The following FAM135A variants were observed in gnomAD, a reference collection of about 807,000 sequenced individuals.
The protein encoded by FAM135A is family with sequence similarity 135 member A.
FAM135A carries 79 observed loss-of-function variants against 146.8 expected under a neutral mutation model. The observed-to-expected ratio is 0.54, with a 90% CI of 0.45 to 0.65. The LOEUF is 0.65. Among genes scored for constraint, FAM135A ranks in the 30% least tolerant of loss-of-function variants. FAM135A has a pLI of 0.00. For synonymous variants in FAM135A, 562 were observed against 603.6 expected (o/e 0.93, Z 1.01); for missense variants, 1,623 against 1,758.2 (o/e 0.92, Z 1.38).
chr6:70,419,159 G>A (rs975093268), intron 2 of FAM135A, among the ~76,000 whole-genome samples: 2 of 152,132 alleles, frequency 1.3e-5, no homozygotes, highest in Non-Finnish European at 2.9e-5. Context: ...GGTGGCTCAC[G>A]CCTGTAATCC....
At position 70,542,288 on chromosome 6, in the gene FAM135A, G is replaced by T. The variant is rs1232538480; in HGVS notation, c.4228+3887G>T. Among the ~76,000 whole-genome samples the T allele has an allele frequency of 2.4e-5, 3 of 123,824 alleles. No individual in the cohort carries two copies. The South Asian group carries it at 7.1e-4, about 29-fold the overall frequency. The allele number at this position is 123,824 out of a possible 152,430, so 81.2% of individuals were successfully genotyped here. A position where few individuals can be genotyped will look rare whatever the true frequency, so the allele number is the denominator to read the frequency against. On this transcript the variant is annotated intron_variant, in intron 20 of 21. Coordinates refer to ENST00000418814, the MANE Select transcript of FAM135A (RefSeq NM_001162529.3). ...CACACACACACACACCCTTTGCTGT[G>T]GTCATGCTATTCATGGTTTTTGATT...
chr6:70,513,373 A>G (rs1437196303), intron 12 of FAM135A: 4 of 148,458 alleles, frequency 2.7e-5, no homozygotes, highest in African/African-American at 1.0e-4. Flanking sequence ...AGAAAATTTT[A>G]AATCATGTCA....
chr6:70,540,519 G>T (rs1423552122), intron 20 of FAM135A, among the ~76,000 whole-genome samples: 2 of 151,784 alleles, frequency 1.3e-5, no homozygotes, highest in Admixed American at 1.3e-4. Flanking sequence ...TAGAGACGGG[G>T]TTTCACCATG....
chr6:70,477,350 T>G lies in FAM135A; in HGVS notation c.542+18T>G. On this transcript the variant is annotated intron_variant, in intron 8 of 21. Coordinates refer to ENST00000418814, the MANE Select transcript of FAM135A (RefSeq NM_001162529.3). ...CTAATAAGGTAAATTTGACTAATAT[T>G]TTTGTATTAAGCCATTCTTACACTG... The G allele has an allele frequency of 1.2e-6, 2 of 1,610,386 alleles. No individual in the cohort carries two copies. Among genetic ancestry groups the G allele is most frequent in the Non-Finnish European group, 1.7e-6 (2 of 1,178,204 alleles).
intron 11 of FAM135A, among the ~76,000 whole-genome samples, chr6:70,498,514 C>G (rs1419117399): frequency 6.6e-6 from 1 of 152,104 alleles, no homozygotes; most frequent in Non-Finnish European, 1.5e-5. Flanking sequence ...TTGTCTTCTG[C>G]TAGCTTTTGA....
At position 70,525,684 on chromosome 6, in the gene FAM135A, A is replaced by G; in HGVS notation, c.2600A>G (p.Asp867Gly). The G allele has an allele frequency of 6.2e-7, 1 of 1,612,250 alleles. No homozygotes were observed. Among genetic ancestry groups the G allele is most frequent in the Non-Finnish European group, 8.5e-7 (1 of 1,179,398 alleles). The change falls in exon 15 of 22, where the codon GAT (aspartate) becomes GGT (glycine). Residue 867 changes from aspartate (D) to glycine (G), a missense_variant. By Grantham distance (94) the Asp-to-Gly change is moderately conservative (BLOSUM62 -1). Transcript: ENST00000418814. ...KSVVPECHLN[D>G]SKTVLNLGTT... ...GTTGTACCTGAATGCCATCTAAATG[A>G]TAGCAAAACTGTATTAAATCTAGGA...
intron 14 of FAM135A, 45 bp from the exon 15 acceptor site, chr6:70,524,298 T>C: frequency 6.9e-7 from 1 of 1,452,024 alleles, no homozygotes; most frequent in Non-Finnish European, 9.1e-7. Context: ...ATATGAGTTC[T>C]CACACCTTGT....
intron 11 of FAM135A, among the ~76,000 whole-genome samples, chr6:70,491,351 TTCAC>T (rs955987751): frequency 9.2e-5 from 14 of 151,942 alleles, no homozygotes; most frequent in Admixed American, 4.6e-4. Flanking sequence ...TTTTCTTCTG[TTCAC>T]TCACTCAATT....
intron 20 of FAM135A, among the ~76,000 whole-genome samples, chr6:70,552,301 A>G (rs1343410461): frequency 2.6e-5 from 4 of 151,366 alleles, no homozygotes; most frequent in African/African-American, 9.7e-5. Context: ...CTTTATATAA[A>G]CCCTTTATAT....
At chr6:70,467,702 T>A (rs1203197924) in intron 5 of FAM135A, among the ~76,000 whole-genome samples, 1 of 152,060 alleles carries the variant, frequency 6.6e-6, no homozygotes, top group Non-Finnish European at 1.5e-5. Context: ...TCCCACTCCC[T>A]TTCTCCTTCT....
chr6:70,484,969 C>T (rs906114900), intron 10 of FAM135A, among the ~76,000 whole-genome samples: 6 of 152,086 alleles, frequency 3.9e-5, no homozygotes, highest in African/African-American at 7.2e-5. Flanking sequence ...TAGAAAGTAT[C>T]GTAATAAAAG....
chr6:70,413,743 A>T (rs915574390), intron 1 of FAM135A, 41 bp downstream of exon 1: 5 of 939,054 alleles, frequency 5.3e-6, no homozygotes, highest in Non-Finnish European at 6.3e-6. Flanking sequence ...CCGGCTCCCG[A>T]CACCCACGAC....
intron 10 of FAM135A, among the ~76,000 whole-genome samples, chr6:70,487,868 C>T (rs1282642426): frequency 2.6e-5 from 4 of 151,966 alleles, no homozygotes; most frequent in African/African-American, 7.2e-5. Flanking sequence ...AAAAATGGGC[C>T]AGATCTTGGT....
intron 12 of FAM135A, among the ~76,000 whole-genome samples, chr6:70,511,794 C>T (rs973360674): frequency 2.0e-5 from 3 of 151,834 alleles, no homozygotes; most frequent in African/African-American, 7.2e-5. Flanking sequence ...TAGCCTGCTA[C>T]ACACCTAAAC....
At position 70,492,459 on chromosome 6, in the gene FAM135A, T is replaced by G. The variant is rs747528873; in HGVS notation, c.873+1376T>G. Among the ~76,000 whole-genome samples, 3 of 151,774 alleles carry G rather than the reference T, an allele frequency of 2.0e-5. No homozygotes were observed. The East Asian group carries it at 5.8e-4, about 29-fold the overall frequency. ...CAGACAATTTTTAAAAAGATAAGTT[T>G]TTTAAAGACCAATAAAAACCTAAGG... On this transcript the variant is annotated intron_variant, in intron 11 of 21. Transcript: ENST00000418814.
chr6:70,552,417 C>T (rs888026800), intron 20 of FAM135A, among the ~76,000 whole-genome samples: 13 of 141,810 alleles, frequency 9.2e-5, no homozygotes, highest in African/African-American at 3.1e-4. Context: ...AGCGGCGGGG[C>T]GAGGGGGAAG....
At chr6:70,451,020 G>A (rs1037475028) in intron 4 of FAM135A, among the ~76,000 whole-genome samples, 1 of 152,012 alleles carries the variant, frequency 6.6e-6, no homozygotes, top group African/African-American at 2.4e-5. Flanking sequence ...TAGAATTACA[G>A]CCATGAGCCA....
At chr6:70,497,794 T>C (rs1787634128) in intron 11 of FAM135A, among the ~76,000 whole-genome samples, 1 of 152,228 alleles carries the variant, frequency 6.6e-6, no homozygotes, top group Non-Finnish European at 1.5e-5. Flanking sequence ...TTGCATATGT[T>C]GAACCAGCCT....
intron 20 of FAM135A, among the ~76,000 whole-genome samples, chr6:70,538,805 G>GTTATA (rs57363541): frequency 0.12 from 13,609 of 112,706 alleles, 877 homozygotes; most frequent in East Asian, 0.16. Flanking sequence ...ATTATGTTAT[G>GTTATA]TTATATTATA....
Sources: gnomAD v4.1 joint callset for allele counts (sites outside exome capture counted in the v4.1 genomes callset) on GRCh38, gnomAD v4.1.1 for gene constraint, MANE v1.5 for transcripts, NCBI Gene and HGNC (gene_info 2026-07-23, HGNC 2026-07-21) for gene names.